The following SMYD3 variants were observed in gnomAD, a reference collection of about 807,000 sequenced individuals.
The protein encoded by SMYD3 is SET and MYND domain containing 3, also known as histone-lysine N-methyltransferase SMYD3.
In SMYD3, 36 loss-of-function variants were observed where a neutral mutation model predicts 57.7. The observed-to-expected ratio is 0.62, with a 90% confidence interval of 0.48 to 0.82. The LOEUF is 0.82. Among genes scored for constraint, SMYD3 ranks in the 40% least tolerant of loss-of-function variants. The pLI is 0.00. For missense variants in SMYD3, 515 were observed against 538.8 expected, an observed-to-expected ratio of 0.96 and a Z score of 0.44; for synonymous variants, 211 against 195.0, an observed-to-expected ratio of 1.08 and a Z score of -0.68.
At chr1:246,318,097 T>C (rs1016774843) in intron 5 of SMYD3, among the ~76,000 whole-genome samples, 1 of 152,200 alleles carries the variant, frequency 6.6e-6, no homozygotes, top group African/African-American at 2.4e-5. Flanking sequence ...AAATACATTA[T>C]CTGGGCCAGC....
intron 1 of SMYD3, among the ~76,000 whole-genome samples, chr1:246,389,689 T>TAGA (rs531810771): frequency 9.2e-5 from 5 of 54,542 alleles, no homozygotes; most frequent in Non-Finnish European, 1.7e-4. Flanking sequence ...AGTCAGTTTC[T>TAGA]GGGGACCTCC....
rs187387273 is a variant in SMYD3, at chr1:246,166,699, C to T, written c.531+160502G>A. On this transcript the variant is annotated intron_variant, in intron 5 of 11. Coordinates refer to ENST00000490107, the MANE Select transcript of SMYD3 (RefSeq NM_001167740.2). Reference sequence around the variant, plus strand: ...GTTTAACTTGCTATTGGCCCAATAACATGCAAATATGTGCTCCATAAAAGC... The same window carrying T: ...GTTTAACTTGCTATTGGCCCAATAATATGCAAATATGTGCTCCATAAAAGC... Among the ~76,000 whole-genome samples, 41 of 152,302 alleles carry T rather than the reference C, an allele frequency of 2.7e-4. No homozygotes were observed. The East Asian group carries it at 6.6e-3, about 24-fold the overall frequency.
intron 10 of SMYD3, among the ~76,000 whole-genome samples, chr1:245,829,725 T>C (rs1383684467): frequency 1.3e-5 from 2 of 152,068 alleles, no homozygotes; most frequent in African/African-American, 4.8e-5. Flanking sequence ...AGCTAAAAAG[T>C]AGAAAGAGCC....
chr1:246,060,460 G>A (rs1318417182), intron 5 of SMYD3, among the ~76,000 whole-genome samples: 2 of 151,856 alleles, frequency 1.3e-5, no homozygotes, highest in African/African-American at 2.4e-5. Flanking sequence ...TAAATATTCC[G>A]TTTAACGACA....
chr1:246,269,388 A>T (rs1464994595), intron 5 of SMYD3, among the ~76,000 whole-genome samples: 1 of 152,180 alleles, frequency 6.6e-6, no homozygotes, highest in Non-Finnish European at 1.5e-5. Flanking sequence ...GACGTTAGGA[A>T]ATGGAGGGTC....
chr1:246,255,892 A>AT (rs1305537618), intron 5 of SMYD3, among the ~76,000 whole-genome samples: 1 of 150,698 alleles, frequency 6.6e-6, no homozygotes, highest in Non-Finnish European at 1.5e-5. Flanking sequence ...TTGTGTGTGT[A>AT]TTAGTCAGGG....
intron 5 of SMYD3, among the ~76,000 whole-genome samples, chr1:246,151,881 T>C (rs935477847): frequency 6.6e-6 from 1 of 152,178 alleles, no homozygotes; most frequent in East Asian, 1.9e-4. Flanking sequence ...GAGAAAGTAA[T>C]GGGAAGAAGC....
intron 5 of SMYD3, among the ~76,000 whole-genome samples, chr1:246,135,448 C>T (rs4654089): frequency 0.5 from 75,635 of 151,930 alleles, 22,903 homozygotes; most frequent in Non-Finnish European, 0.69. Context: ...TAGGGACATG[C>T]GTCAAATTAT....
At chr1:246,092,102 A>G (rs2060833252) in intron 5 of SMYD3, among the ~76,000 whole-genome samples, 1 of 152,184 alleles carries the variant, frequency 6.6e-6, no homozygotes, top group Non-Finnish European at 1.5e-5. Context: ...AAAAAAGTCA[A>G]TTTAGACTAA....
intron 5 of SMYD3, chr1:246,035,507 C>A (rs146056119): frequency 6.6e-6 from 1 of 152,220 alleles, no homozygotes; most frequent in African/African-American, 2.4e-5. Context: ...TGTCGTTTCA[C>A]GAGGTGAGCT....
chr1:246,305,402 CATAAA>C (rs2064963172), intron 5 of SMYD3, among the ~76,000 whole-genome samples: 2 of 152,062 alleles, frequency 1.3e-5, no homozygotes, highest in Admixed American at 6.6e-5. Flanking sequence ...ATCTTTTTAA[CATAAA>C]ATATTAGGAA....
chr1:246,328,446 A>G (rs1381988920), intron 4 of SMYD3, among the ~76,000 whole-genome samples: 1 of 152,186 alleles, frequency 6.6e-6, no homozygotes, highest in Non-Finnish European at 1.5e-5. Flanking sequence ...AGTAAAACCC[A>G]TGGTAACAGA....
chr1:246,194,256 C>T (rs537789290), intron 5 of SMYD3, among the ~76,000 whole-genome samples: 1 of 150,986 alleles, frequency 6.6e-6, no homozygotes, highest in South Asian at 2.1e-4. Context: ...TACTACAGTT[C>T]TTGTGGGGTT....
At chr1:246,345,343 T>C (rs1558413979) in intron 2 of SMYD3, among the ~76,000 whole-genome samples, 1 of 152,224 alleles carries the variant, frequency 6.6e-6, no homozygotes, top group Non-Finnish European at 1.5e-5. Flanking sequence ...GTTGGCACCT[T>C]TGTTGAAAAT....
At chr1:245,766,057 T>C (rs2046079188) in intron 10 of SMYD3, among the ~76,000 whole-genome samples, 1 of 152,042 alleles carries the variant, frequency 6.6e-6, no homozygotes, top group Non-Finnish European at 1.5e-5. Context: ...TAGAAAGCAG[T>C]ACCTGGGAGG....
chr1:245,825,144 T>G (rs12406108), intron 10 of SMYD3, among the ~76,000 whole-genome samples: 19,240 of 152,154 alleles, frequency 0.13, 1,344 homozygotes, highest in Admixed American at 0.2. Context: ...CACGTGAGAA[T>G]GCAGCTTTGC....
intron 5 of SMYD3, among the ~76,000 whole-genome samples, chr1:246,056,845 A>C (rs12063211): frequency 0.05 from 7,592 of 151,984 alleles, 240 homozygotes; most frequent in African/African-American, 0.08. Context: ...GCAAAGAGTT[A>C]TTGAAACCTT....
intron 5 of SMYD3, among the ~76,000 whole-genome samples, chr1:246,235,579 C>A (rs1174833757): frequency 6.7e-6 from 1 of 150,000 alleles, no homozygotes; most frequent in African/African-American, 2.4e-5. Context: ...TGGTGAGCCA[C>A]CTCCAGCTCA....
chr1:246,060,258 A>C (rs1030444584), intron 5 of SMYD3, among the ~76,000 whole-genome samples: 1 of 152,138 alleles, frequency 6.6e-6, no homozygotes, highest in Non-Finnish European at 1.5e-5. Flanking sequence ...ACTGCACTCC[A>C]GCCTGGGCAA....
Sources: allele counts gnomAD v4.1 joint callset (sites outside exome capture counted in the v4.1 genomes callset), GRCh38; gene constraint gnomAD v4.1.1; transcripts MANE v1.5; gene names NCBI Gene and HGNC (gene_info 2026-07-23, HGNC 2026-07-21).